The following RAPGEF5 variants were observed in gnomAD, a reference collection of about 807,000 sequenced individuals.
The protein encoded by RAPGEF5 is Rap guanine nucleotide exchange factor 5.
RAPGEF5 carries 65 observed loss-of-function variants against 125.2 expected under a neutral mutation model. The ratio of observed to expected loss-of-function variants is 0.52; its 90% CI spans 0.43 to 0.64. The LOEUF (loss-of-function observed/expected upper bound fraction) is 0.64, where lower values mean the gene tolerates loss of function less well. Ranked by LOEUF, RAPGEF5 falls within the 30% of genes least tolerant of loss-of-function variation. The pLI, the probability that RAPGEF5 is intolerant of heterozygous loss-of-function variation, is 0.00. For missense variants in RAPGEF5, 958 were observed against 1,048.1 expected, an observed-to-expected ratio of 0.91 and a Z score of 1.19; for synonymous variants, 391 against 385.9, an observed-to-expected ratio of 1.01 and a Z score of -0.16.
chr7:22,342,113 G>T (rs1009981826), intron 1 of RAPGEF5, among the ~76,000 whole-genome samples: 6 of 152,226 alleles, frequency 3.9e-5, no homozygotes, highest in Non-Finnish European at 7.3e-5. Context: ...CTAGGCAGAG[G>T]TTCTCAAACC....
intron 8 of RAPGEF5, among the ~76,000 whole-genome samples, chr7:22,223,210 TGAG>T (rs913273281): frequency 6.6e-6 from 1 of 151,982 alleles, no homozygotes; most frequent in Admixed American, 6.6e-5. Flanking sequence ...AAAAGGAATC[TGAG>T]GAGGAGTGGC....
chr7:22,353,304 G>C (rs1784362726), intron 1 of RAPGEF5, among the ~76,000 whole-genome samples: 1 of 152,162 alleles, frequency 6.6e-6, no homozygotes, highest in South Asian at 2.1e-4. Flanking sequence ...ACCTCATTTA[G>C]CTCCTGTTTC....
intron 5 of RAPGEF5, among the ~76,000 whole-genome samples, chr7:22,293,937 T>C (rs1035221506): frequency 1.3e-5 from 2 of 152,232 alleles, no homozygotes; most frequent in African/African-American, 4.8e-5. Flanking sequence ...ATGTACCTTT[T>C]ACAAAATTTA....
intron 2 of RAPGEF5, among the ~76,000 whole-genome samples, chr7:22,315,688 C>T (rs1783574679): frequency 6.6e-6 from 1 of 151,688 alleles, no homozygotes; most frequent in Non-Finnish European, 1.5e-5. Flanking sequence ...TACTGGTCCA[C>T]TTATGCTGCT....
intron 1 of RAPGEF5, among the ~76,000 whole-genome samples, chr7:22,329,424 G>C (rs533404900): frequency 1.3e-5 from 2 of 151,972 alleles, no homozygotes; most frequent in African/African-American, 2.4e-5. Flanking sequence ...CTGTTGCTAG[G>C]GTATGTTTAC....
chr7:22,316,561 G>T (rs1783604409), intron 2 of RAPGEF5, among the ~76,000 whole-genome samples: 1 of 144,218 alleles, frequency 6.9e-6, no homozygotes, highest in Non-Finnish European at 1.5e-5. Context: ...AAAGATCATG[G>T]CTCACTGCAG....
intron 9 of RAPGEF5, among the ~76,000 whole-genome samples, chr7:22,218,340 A>G (rs532553702): frequency 1.3e-5 from 2 of 152,304 alleles, no homozygotes; most frequent in East Asian, 3.9e-4. Context: ...ACTTTGGTGA[A>G]GTGGTACCCT....
chr7:22,249,743 C>A (rs1362502653), intron 7 of RAPGEF5, among the ~76,000 whole-genome samples: 1 of 152,166 alleles, frequency 6.6e-6, no homozygotes, highest in Non-Finnish European at 1.5e-5. Flanking sequence ...GACCACCAAA[C>A]ACCGTTTATA....
At chr7:22,279,925 G>A (rs191402370) in intron 6 of RAPGEF5, among the ~76,000 whole-genome samples, 85 of 152,244 alleles carry the variant, frequency 5.6e-4, no homozygotes, top group African/African-American at 1.9e-3. Context: ...TGCTGTGTTG[G>A]GATGGCCTCC....
At chr7:22,242,808 G>C (rs186812012) in intron 7 of RAPGEF5, among the ~76,000 whole-genome samples, 1 of 151,700 alleles carries the variant, frequency 6.6e-6, no homozygotes, top group South Asian at 2.1e-4. Context: ...AAAACTGGCC[G>C]GGCATGGTTG....
intron 1 of RAPGEF5, among the ~76,000 whole-genome samples, chr7:22,333,607 C>T (rs551439847): frequency 2.0e-5 from 3 of 152,034 alleles, no homozygotes; most frequent in African/African-American, 7.2e-5. Context: ...CTCTAAAAAC[C>T]TTCATAGGGG....
intron 24 of RAPGEF5, among the ~76,000 whole-genome samples, chr7:22,128,091 G>A (rs937494575): frequency 6.6e-6 from 1 of 152,156 alleles, no homozygotes; most frequent in East Asian, 1.9e-4. Context: ...TGCGTAGCTT[G>A]TGCAAGGCTC....
intron 10 of RAPGEF5, chr7:22,193,675 T>C: frequency 6.4e-7 from 1 of 1,550,870 alleles, no homozygotes; most frequent in Non-Finnish European, 8.7e-7. Flanking sequence ...GAACGGTTAC[T>C]AACAAAGGCA....
At chr7:22,304,678 T>C (rs1461606901) in intron 5 of RAPGEF5, among the ~76,000 whole-genome samples, 1 of 152,172 alleles carries the variant, frequency 6.6e-6, no homozygotes, top group Non-Finnish European at 1.5e-5. Context: ...CTCCATCTTG[T>C]GTGCAGGACA....
At chr7:22,165,908 T>C (rs1482967810) in intron 12 of RAPGEF5, among the ~76,000 whole-genome samples, 1 of 151,774 alleles carries the variant, frequency 6.6e-6, no homozygotes, top group Non-Finnish European at 1.5e-5. Context: ...TTCAACCTCC[T>C]GGACTTAAGT....
intron 8 of RAPGEF5, 63 bp from the exon 9 acceptor site, chr7:22,220,054 C>T (rs778441366): frequency 1.5e-5 from 24 of 1,562,288 alleles, no homozygotes; most frequent in East Asian, 4.5e-5. Context: ...ATGACACCAC[C>T]GCAAAGTTCA....
intron 5 of RAPGEF5, among the ~76,000 whole-genome samples, chr7:22,306,331 C>CACCTT (rs1783340607): frequency 6.6e-6 from 1 of 152,156 alleles, no homozygotes; most frequent in African/African-American, 2.4e-5. Context: ...TGGTGCTGAA[C>CACCTT]ACCTTTTCAT....
chr7:22,122,347 G>GA lies in RAPGEF5; in HGVS notation c.*58_*59insT. 7.4e-7 allele frequency: 1 copy of GA among 1,357,822 alleles called. No homozygotes were observed. Among genetic ancestry groups the GA allele is most frequent in the Non-Finnish European group, 1.0e-6 (1 of 955,096 alleles). 84.1% of individuals were successfully genotyped at this position (1,357,822 alleles called of 1,614,324 possible). A position where few individuals can be genotyped will look rare whatever the true frequency, so the allele number is the denominator to read the frequency against. On this transcript the variant is annotated 3_prime_UTR_variant, in exon 26 of 26. Transcript: ENST00000665637. Reference sequence around the variant, plus strand: ...TTCTCACAGGAAAGCAACGTGCTTGGCATAGACATTCCCGTAGCTCAAAGT... The same window carrying GA: ...TTCTCACAGGAAAGCAACGTGCTTGGACATAGACATTCCCGTAGCTCAAAGT...
chr7:22,182,033 A>G (rs1784689789), intron 11 of RAPGEF5, among the ~76,000 whole-genome samples: 1 of 152,222 alleles, frequency 6.6e-6, no homozygotes. Context: ...ACATGCAGTG[A>G]CTGTAATCAA....
Sources: allele counts gnomAD v4.1 joint callset (sites outside exome capture counted in the v4.1 genomes callset), GRCh38; gene constraint gnomAD v4.1.1; transcripts MANE v1.5; gene names NCBI Gene and HGNC (gene_info 2026-07-23, HGNC 2026-07-21).